The following LIPI variants were observed in gnomAD, a reference collection of about 807,000 sequenced individuals.
LIPI encodes lipase member I.
Under a neutral mutation model 50.6 loss-of-function variants are expected in LIPI, and 59 were observed. The observed-to-expected ratio is 1.16, with a 90% CI of 0.94 to 1.45. The LOEUF (loss-of-function observed/expected upper bound fraction) is 1.45. LIPI is among the 40% of genes most tolerant of loss of function. The pLI is 0.00. For missense variants in LIPI, 586 were observed against 536.3 expected, an observed-to-expected ratio of 1.09 and a Z score of -0.92; for synonymous variants, 203 against 178.2, an observed-to-expected ratio of 1.14 and a Z score of -1.11.
intron 4 of LIPI, 47 bp from the exon 5 acceptor site, chr21:14,166,498 G>A (rs1378297821): frequency 3.1e-6 from 3 of 978,934 alleles, no homozygotes; most frequent in Non-Finnish European, 5.0e-6. Flanking sequence ...ATAATCAGGT[G>A]AGTATCTTGC....
intron 8 of LIPI, among the ~76,000 whole-genome samples, chr21:14,148,807 T>A (rs566530910): frequency 6.6e-6 from 1 of 152,306 alleles, no homozygotes; most frequent in South Asian, 2.1e-4. Context: ...AGAAAAACAG[T>A]AAACCCATTA....
intron 4 of LIPI, among the ~76,000 whole-genome samples, chr21:14,167,840 C>G (rs1474119577): frequency 6.6e-5 from 10 of 152,132 alleles, no homozygotes; most frequent in Non-Finnish European, 1.5e-4. Context: ...AGTTCCTCAC[C>G]AACAATGGAA....
chr21:14,140,246 G>A (rs1244031468), intron 9 of LIPI, among the ~76,000 whole-genome samples: 1 of 152,070 alleles, frequency 6.6e-6, no homozygotes, highest in African/African-American at 2.4e-5. Flanking sequence ...ATTTTCAGAA[G>A]GTAGGAACAA....
At chr21:14,189,532 C>G (rs2019591635) in intron 1 of LIPI, 113 bp from the exon 2 acceptor site, 3 of 922,464 alleles carry the variant, frequency 3.3e-6, no homozygotes, top group Non-Finnish European at 3.4e-6. Context: ...ATTTCATGAG[C>G]CCTTCAACAT....
chr21:14,138,726 C>T (rs2017597682), intron 9 of LIPI, among the ~76,000 whole-genome samples: 1 of 151,930 alleles, frequency 6.6e-6, no homozygotes, highest in African/African-American at 2.4e-5. Flanking sequence ...ATAAATTACC[C>T]TATTATTGAG....
At chr21:14,116,821 T>C (rs1271983255) in intron 9 of LIPI, among the ~76,000 whole-genome samples, 1 of 151,722 alleles carries the variant, frequency 6.6e-6, no homozygotes, top group Non-Finnish European at 1.5e-5. Context: ...CAAAGAACAA[T>C]AGAAAAGACC....
intron 9 of LIPI, among the ~76,000 whole-genome samples, chr21:14,123,035 T>C (rs1404812008): frequency 6.6e-6 from 1 of 152,192 alleles, no homozygotes; most frequent in Non-Finnish European, 1.5e-5. Context: ...GTTATGTATA[T>C]GAAAGTACCA....
chr21:14,114,498 C>G (rs1384551032), intron 9 of LIPI, among the ~76,000 whole-genome samples: 1 of 152,144 alleles, frequency 6.6e-6, no homozygotes, highest in Non-Finnish European at 1.5e-5. Context: ...GACTCCACCC[C>G]CTTATGTTCC....
At chr21:14,115,833 G>A (rs779191135) in intron 9 of LIPI, among the ~76,000 whole-genome samples, 1 of 152,142 alleles carries the variant, frequency 6.6e-6, no homozygotes, top group African/African-American at 2.4e-5. Context: ...CCCAGGGAAC[G>A]ACCACTTATC....
intron 9 of LIPI, among the ~76,000 whole-genome samples, chr21:14,124,587 G>T (rs1011171365): frequency 7.9e-5 from 12 of 152,130 alleles, no homozygotes; most frequent in Non-Finnish European, 1.3e-4. Flanking sequence ...CCAGGTATGT[G>T]TAACATGTAG....
At chr21:14,167,827 T>C (rs1364968656) in intron 4 of LIPI, among the ~76,000 whole-genome samples, 3 of 152,196 alleles carry the variant, frequency 2.0e-5, no homozygotes, top group Non-Finnish European at 4.4e-5. Context: ...TCCAAAGGAA[T>C]GCAGTTCCTC....
intron 9 of LIPI, among the ~76,000 whole-genome samples, chr21:14,126,239 C>G (rs1600837512): frequency 6.6e-6 from 1 of 152,098 alleles, no homozygotes; most frequent in Admixed American, 6.6e-5. Context: ...TACTTAAACA[C>G]CTACATGTCC....
intron 9 of LIPI, among the ~76,000 whole-genome samples, chr21:14,127,127 C>T (rs2017097213): frequency 6.6e-6 from 1 of 152,192 alleles, no homozygotes; most frequent in South Asian, 2.1e-4. Flanking sequence ...AAGGAGAGCT[C>T]TGCTGTTGTC....
chr21:14,172,767 A>G (rs1026707234), intron 4 of LIPI, among the ~76,000 whole-genome samples: 3 of 152,030 alleles, frequency 2.0e-5, no homozygotes, highest in Non-Finnish European at 4.4e-5. Context: ...CCTAATGCTA[A>G]ATGACGAGTT....
At chr21:14,140,788 C>T (rs891104995) in intron 9 of LIPI, among the ~76,000 whole-genome samples, 17 of 152,104 alleles carry the variant, frequency 1.1e-4, no homozygotes, top group African/African-American at 4.1e-4. Context: ...CATCAAATAT[C>T]TTTATTGTTG....
chr21:14,157,653 T>C (rs547397055), intron 7 of LIPI, among the ~76,000 whole-genome samples: 2 of 151,976 alleles, frequency 1.3e-5, no homozygotes, highest in East Asian at 1.9e-4. Flanking sequence ...TGCAAACATA[T>C]GCTACCATTT....
chr21:14,170,408 C>CA (rs1326461559), intron 4 of LIPI, among the ~76,000 whole-genome samples: 1 of 151,730 alleles, frequency 6.6e-6, no homozygotes, highest in Admixed American at 6.6e-5. Flanking sequence ...AGAGACACAA[C>CA]AAAAAAAGAG....
At chr21:14,175,572 G>T (rs2019065693) in intron 4 of LIPI, among the ~76,000 whole-genome samples, 1 of 151,626 alleles carries the variant, frequency 6.6e-6, no homozygotes. Flanking sequence ...TTTTCATTTG[G>T]GTTAGAAATT....
intron 9 of LIPI, among the ~76,000 whole-genome samples, chr21:14,129,817 A>ATTT (rs1392830701): frequency 1.4e-4 from 21 of 151,008 alleles, no homozygotes; most frequent in African/African-American, 5.1e-4. Flanking sequence ...TTTAAAAAAA[A>ATTT]AAAAAGCTTA....
Sources: gnomAD v4.1 joint callset for allele counts (sites outside exome capture counted in the v4.1 genomes callset) on GRCh38, gnomAD v4.1.1 for gene constraint, MANE v1.5 for transcripts, NCBI Gene and HGNC (gene_info 2026-07-23, HGNC 2026-07-21) for gene names.